Variants in MSANTD5 observed in about 807,000 individuals in gnomAD.
The protein encoded by MSANTD5 is uncharacterized protein MSANTD5.
chr5:178,705,177 T>G, the MSANTD5 span, among the ~76,000 whole-genome samples: 5 of 152,144 alleles, frequency 3.3e-5, no homozygotes, highest in African/African-American at 1.2e-4. Context: ...GCATCCCCAG[T>G]AGCTGGATTA....
chr5:178,697,348 G>C (rs1490126205), intron 1 of MSANTD5, among the ~76,000 whole-genome samples: 2 of 152,036 alleles, frequency 1.3e-5, no homozygotes, highest in Non-Finnish European at 2.9e-5. Flanking sequence ...CAGCTACTCG[G>C]GAGGCTGAGG....
exon 4 of MSANTD5, chr5:178,694,942 G>A (rs1281967455): frequency 6.6e-6 from 1 of 152,194 alleles, no homozygotes; most frequent in Non-Finnish European, 1.5e-5. Context: ...TCTGCACAGG[G>A]AGGACCTGAG....
At chr5:178,697,396 G>C (rs1765429813) in intron 1 of MSANTD5, among the ~76,000 whole-genome samples, 190 bp downstream of exon 1, 1 of 152,202 alleles carries the variant, frequency 6.6e-6, no homozygotes. Flanking sequence ...GGAGGTTGCA[G>C]TGAGCCGGGA....
upstream of MSANTD5, among the ~76,000 whole-genome samples, chr5:178,702,386 C>T (rs775202939): frequency 4.0e-5 from 6 of 149,350 alleles, no homozygotes; most frequent in African/African-American, 7.4e-5. Context: ...CTGCAACCTC[C>T]GCCTCCTGGG....
chr5:178,703,997 A>T, the MSANTD5 span, among the ~76,000 whole-genome samples: 63 of 151,734 alleles, frequency 4.2e-4, no homozygotes, highest in Admixed American at 9.2e-4. Flanking sequence ...AAAAAAAAAA[A>T]GAAATGACAA....
chr5:178,694,878 A>G (rs1306364477), exon 4 of MSANTD5: 3 of 152,178 alleles, frequency 2.0e-5, no homozygotes, highest in Non-Finnish European at 4.4e-5. Flanking sequence ...CTGAAAGACT[A>G]TGGGAACGCC....
the MSANTD5 span, among the ~76,000 whole-genome samples, chr5:178,703,523 A>T: frequency 2.0e-5 from 3 of 152,220 alleles, no homozygotes; most frequent in Admixed American, 1.3e-4. Context: ...TATTTTCAAC[A>T]TTATGAGAGA....
chr5:178,696,427 C>A, intron 1 of MSANTD5, among the ~76,000 whole-genome samples: 1 of 151,880 alleles, frequency 6.6e-6, no homozygotes, highest in Middle Eastern at 3.4e-3. Context: ...TGTTTCACCT[C>A]GTTAGTCAGG....
upstream of MSANTD5, among the ~76,000 whole-genome samples, chr5:178,699,157 G>A (rs189850439): frequency 3.9e-5 from 6 of 152,050 alleles, no homozygotes; most frequent in Middle Eastern, 3.4e-3. Context: ...AATGAACACC[G>A]TCTTCTTCCC....
the MSANTD5 span, among the ~76,000 whole-genome samples, chr5:178,706,195 T>C: frequency 2.0e-5 from 3 of 152,186 alleles, no homozygotes; most frequent in East Asian, 1.9e-4. Flanking sequence ...TGAACCAACA[T>C]TGGACTTCTG....
chr5:178,707,010 C>T, the MSANTD5 span: 2 of 152,186 alleles, frequency 1.3e-5, no homozygotes, highest in Non-Finnish European at 2.9e-5. Context: ...TCTCTGGATA[C>T]ACCCGTCTCT....
chr5:178,702,462 A>G (rs910876638), upstream of MSANTD5, among the ~76,000 whole-genome samples: 121 of 151,408 alleles, frequency 8.0e-4, no homozygotes, highest in African/African-American at 2.8e-3. Context: ...CACCACGCCC[A>G]GCTAATTTTT....
upstream of MSANTD5, among the ~76,000 whole-genome samples, chr5:178,701,043 G>A (rs562715739): frequency 5.3e-5 from 8 of 152,080 alleles, no homozygotes; most frequent in East Asian, 5.8e-4. Context: ...GCGCGATCTC[G>A]GCTCACTGCA....
the MSANTD5 span, among the ~76,000 whole-genome samples, chr5:178,702,745 T>C: frequency 6.6e-6 from 1 of 150,778 alleles, no homozygotes; most frequent in South Asian, 2.1e-4. Flanking sequence ...TTACAGGTGC[T>C]TGCGACCACG....
intron 2 of MSANTD5, 63 bp downstream of exon 2, chr5:178,696,034 G>C (rs945224273): frequency 2.0e-5 from 3 of 152,140 alleles, no homozygotes; most frequent in African/African-American, 7.2e-5. Flanking sequence ...TATCAGACTC[G>C]AGAAGATGGA....
upstream of MSANTD5, among the ~76,000 whole-genome samples, chr5:178,698,193 C>T (rs11743893): frequency 0.24 from 35,932 of 152,046 alleles, 4,523 homozygotes; most frequent in South Asian, 0.35. Flanking sequence ...ATGAGAAGCT[C>T]AGATTAAAAA....
chr5:178,693,202 A>G (rs994779190), downstream of MSANTD5, among the ~76,000 whole-genome samples: 1 of 151,872 alleles, frequency 6.6e-6, no homozygotes, highest in Non-Finnish European at 1.5e-5. Flanking sequence ...AATCCCAGCT[A>G]CTTGAGAGGC....
chr5:178,698,911 A>G (rs1765448173), upstream of MSANTD5, among the ~76,000 whole-genome samples: 1 of 151,952 alleles, frequency 6.6e-6, no homozygotes, highest in African/African-American at 2.4e-5. Flanking sequence ...TTAAGTCAGA[A>G]CAAACTCCAT....
downstream of MSANTD5, among the ~76,000 whole-genome samples, chr5:178,694,280 C>A (rs1294037129): frequency 7.0e-6 from 1 of 141,964 alleles, no homozygotes; most frequent in Non-Finnish European, 1.5e-5. Flanking sequence ...CATGCCACTG[C>A]ACTCCAGCCT....
Sources: gnomAD v4.1 joint callset for allele counts (sites outside exome capture counted in the v4.1 genomes callset) on GRCh38, gnomAD v4.1.1 for gene constraint, MANE v1.5 for transcripts, NCBI Gene and HGNC (gene_info 2026-07-23, HGNC 2026-07-21) for gene names.